The following LRMDA variants were observed in gnomAD, a reference collection of about 807,000 sequenced individuals.
LRMDA encodes leucine-rich melanocyte differentiation-associated protein.
A neutral mutation model predicts 29.8 loss-of-function variants in LRMDA; 18 were observed. The observed-to-expected ratio is 0.60, with a 90% CI of 0.42 to 0.90. LRMDA has a LOEUF of 0.90. LRMDA is among the 40% of genes least tolerant of loss of function. The pLI is 0.00. For synonymous variants in LRMDA, 125 were observed against 109.4 expected (o/e 1.14, Z -0.89); for missense variants, 273 against 273.9 (o/e 1.00, Z 0.02).
intron 6 of LRMDA, among the ~76,000 whole-genome samples, chr10:76,484,514 C>A (rs1452235499): frequency 6.6e-6 from 1 of 151,742 alleles, no homozygotes; most frequent in South Asian, 2.1e-4. Context: ...AACATAGAAT[C>A]CTGTATGTAT....
At chr10:76,393,281 C>A (rs1450951295) in intron 6 of LRMDA, among the ~76,000 whole-genome samples, 1 of 152,028 alleles carries the variant, frequency 6.6e-6, no homozygotes, top group Non-Finnish European at 1.5e-5. Flanking sequence ...CTTACATTCC[C>A]ACTGGTAATG....
At chr10:76,520,250 C>T (rs2579738) in intron 6 of LRMDA, among the ~76,000 whole-genome samples, 52,673 of 150,764 alleles carry the variant, frequency 0.35, 9,875 homozygotes, top group Middle Eastern at 0.55. Context: ...TATTTTGTAA[C>T]ACTAATCTTT....
intron 2 of LRMDA, among the ~76,000 whole-genome samples, chr10:75,893,915 A>C (rs1845537962): frequency 6.8e-6 from 1 of 147,544 alleles, no homozygotes; most frequent in Non-Finnish European, 1.5e-5. Context: ...CCTGGGTGAC[A>C]GACTGACTCC....
intron 5 of LRMDA, 37 bp from the exon 6 acceptor site, chr10:76,324,364 G>T (rs1042827569): frequency 6.4e-7 from 1 of 1,571,700 alleles, no homozygotes; most frequent in African/African-American, 1.4e-5. Flanking sequence ...TTTGGTGTTT[G>T]GTGTTGCTTC....
At chr10:75,622,773 T>C (rs1169359766) in intron 2 of LRMDA, among the ~76,000 whole-genome samples, 1 of 152,218 alleles carries the variant, frequency 6.6e-6, no homozygotes, top group Non-Finnish European at 1.5e-5. Context: ...TATTGCCTAC[T>C]CTAATGCTGT....
intron 5 of LRMDA, among the ~76,000 whole-genome samples, chr10:76,144,737 G>C (rs1039142343): frequency 2.6e-5 from 4 of 152,106 alleles, no homozygotes. Context: ...ATGTTGAATA[G>C]GAGTGGTGAG....
chr10:75,754,723 T>C (rs1263344997), intron 2 of LRMDA, among the ~76,000 whole-genome samples: 1 of 152,146 alleles, frequency 6.6e-6, no homozygotes, highest in Non-Finnish European at 1.5e-5. Context: ...TGATTTGTTT[T>C]TCCTTCTTTC....
At chr10:75,864,194 T>C (rs1395355100) in intron 2 of LRMDA, among the ~76,000 whole-genome samples, 1 of 152,248 alleles carries the variant, frequency 6.6e-6, no homozygotes, top group Admixed American at 6.5e-5. Context: ...TTATTTTGAA[T>C]ACTCTAAAAC....
intron 6 of LRMDA, among the ~76,000 whole-genome samples, chr10:76,528,127 C>G (rs1044243735): frequency 6.6e-6 from 1 of 152,056 alleles, no homozygotes; most frequent in Non-Finnish European, 1.5e-5. Context: ...CATTTTGGCC[C>G]TGTGCATTGA....
intron 2 of LRMDA, among the ~76,000 whole-genome samples, chr10:75,856,869 T>G (rs1273170122): frequency 1.3e-5 from 2 of 152,124 alleles, no homozygotes; most frequent in Non-Finnish European, 2.9e-5. Flanking sequence ...GGGTATTCAA[T>G]TAGGAAAAGA....
At chr10:75,708,467 C>G (rs1180153659) in intron 2 of LRMDA, among the ~76,000 whole-genome samples, 2 of 152,140 alleles carry the variant, frequency 1.3e-5, no homozygotes, top group African/African-American at 2.4e-5. Context: ...AAATTGGCTG[C>G]CAGGTGATTT....
intron 5 of LRMDA, among the ~76,000 whole-genome samples, chr10:76,254,358 C>CCTATGCTATGCTATGCTATG (rs56303431): frequency 0.023 from 3,053 of 131,368 alleles, 110 homozygotes; most frequent in Middle Eastern, 0.062. Context: ...CCTATCCTAT[C>CCTATGCTATGCTATGCTATG]CTATGCTATG....
chr10:76,374,371 G>T (rs991540843), intron 6 of LRMDA, among the ~76,000 whole-genome samples: 1 of 152,264 alleles, frequency 6.6e-6, no homozygotes, highest in Admixed American at 6.5e-5. Context: ...GAAAAAGAAG[G>T]TTAGATGGTT....
intron 5 of LRMDA, among the ~76,000 whole-genome samples, chr10:76,096,636 T>C (rs1419654689): frequency 2.0e-5 from 3 of 152,178 alleles, no homozygotes; most frequent in African/African-American, 7.2e-5. Context: ...AGCTTGTTAA[T>C]TTCTATAAAA....
At chr10:76,540,138 TACATGCCCATATTCAACAC>T (rs1363005436) in intron 6 of LRMDA, among the ~76,000 whole-genome samples, 1 of 147,506 alleles carries the variant, frequency 6.8e-6, no homozygotes, top group Non-Finnish European at 1.5e-5. Flanking sequence ...TACAAACACC[TACATGCCCATATTCAACAC>T]ACATGCACGC....
At chr10:75,866,052 A>G (rs1231985142) in intron 2 of LRMDA, among the ~76,000 whole-genome samples, 1 of 152,168 alleles carries the variant, frequency 6.6e-6, no homozygotes, top group African/African-American at 2.4e-5. Flanking sequence ...GGCGTTAGAA[A>G]AGGATTGACA....
chr10:75,526,221 A>G (rs1845411276), intron 2 of LRMDA, among the ~76,000 whole-genome samples: 1 of 151,806 alleles, frequency 6.6e-6, no homozygotes, highest in Admixed American at 6.6e-5. Context: ...ATGTACCACC[A>G]CACCCAGCTA....
chr10:75,449,904 G>A (rs1379865461), intron 2 of LRMDA, among the ~76,000 whole-genome samples: 6 of 152,102 alleles, frequency 3.9e-5, no homozygotes, highest in African/African-American at 1.4e-4. Context: ...TGAGTCTGAA[G>A]GGAAAAGAAG....
chr10:75,489,580 G>A (rs1437027672), intron 2 of LRMDA, among the ~76,000 whole-genome samples: 1 of 152,230 alleles, frequency 6.6e-6, no homozygotes, highest in Non-Finnish European at 1.5e-5. Flanking sequence ...TACGATGTCG[G>A]AGTTTGAAGT....
Sources: allele counts gnomAD v4.1 joint callset (sites outside exome capture counted in the v4.1 genomes callset), GRCh38; gene constraint gnomAD v4.1.1; transcripts MANE v1.5; gene names NCBI Gene and HGNC (gene_info 2026-07-23, HGNC 2026-07-21).